ROBO1: variants seen among roughly 807,000 people sequenced by gnomAD.
ROBO1 encodes roundabout homolog 1.
A neutral mutation model predicts 195.9 loss-of-function variants in ROBO1; 149 were observed. That is an observed-to-expected ratio of 0.76 (90% confidence interval 0.67 to 0.87). The LOEUF is 0.87. Ranked by LOEUF, ROBO1 falls within the 40% of genes least tolerant of loss-of-function variation. The pLI is 0.00. For missense variants in ROBO1, 1,933 were observed against 2,068.3 expected, an observed-to-expected ratio of 0.93 and a Z score of 1.27; for synonymous variants, 816 against 733.2, an observed-to-expected ratio of 1.11 and a Z score of -1.82.
intron 1 of ROBO1, among the ~76,000 whole-genome samples, chr3:79,615,976 G>C (rs1944806296): frequency 6.6e-6 from 1 of 152,188 alleles, no homozygotes; most frequent in Non-Finnish European, 1.5e-5. Context: ...GTCTAGCAGA[G>C]AGTGACCACT....
At chr3:78,675,315 G>A (rs970284088) in intron 10 of ROBO1, among the ~76,000 whole-genome samples, 34 of 152,094 alleles carry the variant, frequency 2.2e-4, no homozygotes, top group Non-Finnish European at 3.8e-4. Flanking sequence ...GATAGAGGGC[G>A]CCGGTCAGTG....
Position 79,536,764 on chromosome 3 carries a change from C to T in ROBO1, c.88+53060G>A, listed in dbSNP as rs1941881845. 1.3e-5 allele frequency among the ~76,000 whole-genome samples: 2 copies of T among 152,088 alleles called. 1 individual carries two copies. Among genetic ancestry groups the T allele is most frequent in the Admixed American group, 1.3e-4 (2 of 15,262 alleles). ...AGACACTTAAAATTCTATGATAAAA[C>T]TGTAGACTAGTGGAAAAAGTATAGG... is the stretch of plus-strand genomic sequence containing the variant. On this transcript the variant is annotated intron_variant, in intron 2 of 30. Transcript: ENST00000464233.
intron 3 of ROBO1, among the ~76,000 whole-genome samples, chr3:79,049,783 A>C (rs1449704575): frequency 6.6e-6 from 1 of 152,196 alleles, no homozygotes; most frequent in Non-Finnish European, 1.5e-5. Flanking sequence ...CCAGAATTTC[A>C]TATCCAGCCA....
chr3:79,449,657 T>C (rs577781345), intron 2 of ROBO1, among the ~76,000 whole-genome samples: 1 of 152,292 alleles, frequency 6.6e-6, no homozygotes, highest in South Asian at 2.1e-4. Flanking sequence ...ACTTAAAATA[T>C]TTGAGTTTTT....
intron 1 of ROBO1, among the ~76,000 whole-genome samples, chr3:79,683,865 G>A (rs571415532): frequency 2.0e-5 from 3 of 151,892 alleles, no homozygotes; most frequent in African/African-American, 2.4e-5. Context: ...ATACATTTAG[G>A]TTATTTCTAA....
At chr3:78,942,501 A>G (rs1475602788) in intron 3 of ROBO1, among the ~76,000 whole-genome samples, 1 of 152,080 alleles carries the variant, frequency 6.6e-6, no homozygotes, top group Non-Finnish European at 1.5e-5. Context: ...TGTCTCTGTA[A>G]TGGGTGAAGA....
intron 4 of ROBO1, among the ~76,000 whole-genome samples, chr3:78,883,476 G>A (rs961013604): frequency 6.6e-5 from 10 of 151,996 alleles, no homozygotes; most frequent in Non-Finnish European, 1.0e-4. Context: ...CAAACTCCTG[G>A]CCTCAGGCAA....
At chr3:79,102,804 A>C (rs2108513445) in intron 3 of ROBO1, among the ~76,000 whole-genome samples, 1 of 151,958 alleles carries the variant, frequency 6.6e-6, no homozygotes, top group East Asian at 1.9e-4. Context: ...TGCTTTTAAT[A>C]AATTATTAGA....
At chr3:79,067,782 G>T (rs2079027645) in intron 3 of ROBO1, among the ~76,000 whole-genome samples, 1 of 151,924 alleles carries the variant, frequency 6.6e-6, no homozygotes, top group South Asian at 2.1e-4. Context: ...TGGTTTCTGA[G>T]GGTTGGGAAC....
chr3:79,020,144 CA>C (rs376194560), intron 3 of ROBO1, among the ~76,000 whole-genome samples: 77 of 152,160 alleles, frequency 5.1e-4, no homozygotes, highest in Admixed American at 1.4e-3. Context: ...GAAACAAATG[CA>C]AAAAACAATC....
At chr3:79,070,978 A>G (rs1210247676) in intron 3 of ROBO1, among the ~76,000 whole-genome samples, 2 of 151,768 alleles carry the variant, frequency 1.3e-5, no homozygotes, top group Non-Finnish European at 2.9e-5. Context: ...ACAGTGTACA[A>G]TGTGATGTTT....
At chr3:79,729,576 C>T (rs74354341) in intron 1 of ROBO1, among the ~76,000 whole-genome samples, 1,947 of 152,196 alleles carry the variant, frequency 0.013, 35 homozygotes, top group African/African-American at 0.043. Context: ...TAAGAGGGTA[C>T]TTTGTGGTTA....
chr3:79,683,307 G>T (rs1947005222), intron 1 of ROBO1, among the ~76,000 whole-genome samples: 1 of 151,816 alleles, frequency 6.6e-6, no homozygotes, highest in Non-Finnish European at 1.5e-5. Flanking sequence ...AACATAATAA[G>T]TATATAACTC....
chr3:79,617,089 T>C (rs1209801001), intron 1 of ROBO1, among the ~76,000 whole-genome samples: 1 of 152,118 alleles, frequency 6.6e-6, no homozygotes, highest in African/African-American at 2.4e-5. Flanking sequence ...GATAGGGAAA[T>C]GAATCACATT....
At chr3:79,251,580 A>G (rs1407922882) in intron 2 of ROBO1, among the ~76,000 whole-genome samples, 1 of 151,984 alleles carries the variant, frequency 6.6e-6, no homozygotes, top group African/African-American at 2.4e-5. Context: ...GTGAAACCCC[A>G]TCTCTACTAA....
At chr3:78,940,634 T>C (rs1346130404) in intron 3 of ROBO1, among the ~76,000 whole-genome samples, 1 of 152,234 alleles carries the variant, frequency 6.6e-6, no homozygotes, top group African/African-American at 2.4e-5. Flanking sequence ...CTATTTCAAA[T>C]CTCTGCTCTC....
chr3:78,879,587 C>T (rs548717712), intron 4 of ROBO1, among the ~76,000 whole-genome samples: 6 of 151,760 alleles, frequency 4.0e-5, no homozygotes, highest in Admixed American at 2.0e-4. Context: ...GGATTAGAAC[C>T]GCAGACGCTT....
intron 2 of ROBO1, among the ~76,000 whole-genome samples, chr3:79,310,096 G>A (rs2033408660): frequency 6.6e-6 from 1 of 152,178 alleles, no homozygotes; most frequent in African/African-American, 2.4e-5. Flanking sequence ...GAAGGGTAAA[G>A]GTTTTGTATC....
intron 1 of ROBO1, among the ~76,000 whole-genome samples, chr3:79,672,497 G>A (rs1297505257): frequency 6.6e-6 from 1 of 151,824 alleles, no homozygotes; most frequent in Non-Finnish European, 1.5e-5. Flanking sequence ...AACTCATGTA[G>A]GGTATACGAA....
Sources: gnomAD v4.1 joint callset for allele counts (sites outside exome capture counted in the v4.1 genomes callset) on GRCh38, gnomAD v4.1.1 for gene constraint, MANE v1.5 for transcripts, NCBI Gene and HGNC (gene_info 2026-07-23, HGNC 2026-07-21) for gene names.